GRIK2: variants seen among roughly 807,000 people sequenced by gnomAD.
GRIK2 encodes glutamate ionotropic receptor kainate type subunit 2.
A neutral mutation model predicts 100.3 loss-of-function variants in GRIK2; 32 were observed. That is an observed-to-expected ratio of 0.32 (90% confidence interval 0.24 to 0.43). The LOEUF is 0.43. Among genes scored for constraint, GRIK2 ranks in the 20% least tolerant of loss-of-function variants. The pLI, the probability that GRIK2 is intolerant of heterozygous loss-of-function variation, is 1.00. For synonymous variants in GRIK2, 417 were observed against 389.4 expected, an observed-to-expected ratio of 1.07 and a Z score of -0.83; for missense variants, 843 against 1,114.9, an observed-to-expected ratio of 0.76 and a Z score of 3.47.
At chr6:101,704,040 G>T (rs922170121) in intron 7 of GRIK2, among the ~76,000 whole-genome samples, 3 of 151,716 alleles carry the variant, frequency 2.0e-5, no homozygotes, top group Non-Finnish European at 4.4e-5. Context: ...TTTTTGGAAA[G>T]TGGGAAAGTG....
At chr6:101,590,488 C>T (rs1188110124) in intron 2 of GRIK2, among the ~76,000 whole-genome samples, 1 of 151,954 alleles carries the variant, frequency 6.6e-6, no homozygotes, top group African/African-American at 2.4e-5. Flanking sequence ...CTCTAGCACC[C>T]CAGCAGTGAT....
At chr6:101,850,875 G>A (rs9404152) in intron 10 of GRIK2, among the ~76,000 whole-genome samples, 16,556 of 151,994 alleles carry the variant, frequency 0.11, 1,951 homozygotes, top group East Asian at 0.66. Context: ...GGTATGTGAT[G>A]CAGTAATTGC....
intron 2 of GRIK2, among the ~76,000 whole-genome samples, chr6:101,470,169 G>A (rs753472262): frequency 2.6e-5 from 4 of 152,092 alleles, no homozygotes; most frequent in African/African-American, 4.8e-5. Flanking sequence ...TATTTCCAGT[G>A]AATTTTGTCC....
chr6:101,889,680 T>C lies in GRIK2; in HGVS notation c.1565T>C (p.Val522Ala), dbSNP rs567333218. The change falls in exon 12 of 17, where the codon GTT becomes GCT. Residue 522 changes from valine (V) to alanine (A), a missense_variant. Val to Ala is a moderately conservative substitution (Grantham distance 64). Around this residue, in one of 3 missense-constraint regions of GRIK2, gnomAD observed 519 missense variants for 643.8 expected, o/e 0.81. Coordinates refer to ENST00000369134, the MANE Select transcript of GRIK2 (RefSeq NM_021956.5). ...GTTGCTCCACTGGCTATTACCTATG[T>C]TCGAGAGAAGGTCATCGACTTTTCC... ...LAVAPLAITY[V>A]REKVIDFSKP... The C allele has an allele frequency of 6.2e-7, 1 of 1,612,554 alleles. No individual in the cohort carries two copies. Among genetic ancestry groups the C allele is most frequent in the Non-Finnish European group, 8.5e-7 (1 of 1,179,044 alleles).
intron 12 of GRIK2, among the ~76,000 whole-genome samples, chr6:101,896,187 C>G (rs1445550656): frequency 1.3e-5 from 2 of 151,524 alleles, no homozygotes; most frequent in Non-Finnish European, 3.0e-5. Flanking sequence ...TTAGTAGAAC[C>G]AAACCAATTG....
At chr6:101,396,446 C>T (rs567609466) in intron 1 of GRIK2, among the ~76,000 whole-genome samples, 12 of 151,908 alleles carry the variant, frequency 7.9e-5, no homozygotes, top group African/African-American at 2.7e-4. Context: ...TTTTTTTGTA[C>T]TGACAATCAA....
At chr6:101,804,547 A>G (rs1368412590) in intron 9 of GRIK2, among the ~76,000 whole-genome samples, 1 of 152,044 alleles carries the variant, frequency 6.6e-6, no homozygotes, top group Non-Finnish European at 1.5e-5. Context: ...TTCAAAGACT[A>G]GCAAAGCATT....
chr6:101,619,582 C>T (rs571061643), intron 2 of GRIK2, among the ~76,000 whole-genome samples: 16 of 151,762 alleles, frequency 1.1e-4, no homozygotes, highest in South Asian at 2.1e-4. Flanking sequence ...CCATTTTGAA[C>T]GAAAAAAGTA....
At chr6:101,491,318 A>G (rs560654254) in intron 2 of GRIK2, among the ~76,000 whole-genome samples, 2 of 151,674 alleles carry the variant, frequency 1.3e-5, no homozygotes, top group African/African-American at 4.8e-5. Flanking sequence ...GAAACCTCAC[A>G]TTCATTTGGG....
At chr6:101,811,121 G>A (rs1781301610) in intron 9 of GRIK2, among the ~76,000 whole-genome samples, 1 of 152,030 alleles carries the variant, frequency 6.6e-6, no homozygotes, top group Non-Finnish European at 1.5e-5. Flanking sequence ...ATACTTTGTA[G>A]GTCATATGGT....
At chr6:101,619,444 T>C (rs953386009) in intron 2 of GRIK2, among the ~76,000 whole-genome samples, 23 of 152,036 alleles carry the variant, frequency 1.5e-4, no homozygotes, top group African/African-American at 5.1e-4. Flanking sequence ...ATTTTAAAGA[T>C]TGATAAAGAA....
chr6:101,720,571 G>C (rs895688862), intron 7 of GRIK2, among the ~76,000 whole-genome samples: 1 of 151,894 alleles, frequency 6.6e-6, no homozygotes, highest in African/African-American at 2.4e-5. Flanking sequence ...TGGACTATTT[G>C]TCTTTATTTA....
intron 14 of GRIK2, among the ~76,000 whole-genome samples, chr6:101,938,702 G>C (rs1249334386): frequency 6.6e-6 from 1 of 152,028 alleles, no homozygotes; most frequent in Non-Finnish European, 1.5e-5. Context: ...GAATGTGTCT[G>C]TGTGTGTATG....
intron 16 of GRIK2, among the ~76,000 whole-genome samples, chr6:102,058,958 TCTTA>T (rs986879570): frequency 4.0e-5 from 6 of 151,266 alleles, no homozygotes; most frequent in Non-Finnish European, 8.9e-5. Context: ...CCATATTAAG[TCTTA>T]CTTTTAATGA....
chr6:101,954,532 A>G (rs1297079552), intron 14 of GRIK2, among the ~76,000 whole-genome samples: 2 of 152,252 alleles, frequency 1.3e-5, no homozygotes, highest in East Asian at 3.9e-4. Flanking sequence ...ATATAGAAAT[A>G]TAAGTGATTT....
intron 2 of GRIK2, among the ~76,000 whole-genome samples, chr6:101,491,812 G>A (rs1337081490): frequency 4.0e-5 from 6 of 151,592 alleles, no homozygotes; most frequent in Non-Finnish European, 8.8e-5. Context: ...ATTTCCCTGG[G>A]TGATGCTAAA....
intron 7 of GRIK2, among the ~76,000 whole-genome samples, chr6:101,777,336 C>A (rs1778809254): frequency 6.6e-6 from 1 of 152,128 alleles, no homozygotes; most frequent in Admixed American, 6.5e-5. Flanking sequence ...CATGTGTGAC[C>A]CCCTCCTTCT....
chr6:101,974,336 G>A (rs897039118), intron 14 of GRIK2, among the ~76,000 whole-genome samples: 1 of 151,864 alleles, frequency 6.6e-6, no homozygotes, highest in East Asian at 1.9e-4. Context: ...GTAGATATAC[G>A]TCCTGCCCTC....
At chr6:101,781,753 C>G (rs1779110133) in intron 7 of GRIK2, among the ~76,000 whole-genome samples, 1 of 151,752 alleles carries the variant, frequency 6.6e-6, no homozygotes, top group Non-Finnish European at 1.5e-5. Flanking sequence ...GTTCAGAAAT[C>G]TATTTTTTTC....
Sources: gnomAD v4.1 joint callset for allele counts (sites outside exome capture counted in the v4.1 genomes callset) on GRCh38, gnomAD v4.1.1 for gene constraint, gnomAD v4.1.1 regional missense constraint, MANE v1.5 for transcripts, NCBI Gene and HGNC (gene_info 2026-07-23, HGNC 2026-07-21) for gene names.